Variants in ANAPC10 observed in about 807,000 individuals in gnomAD.
The protein encoded by ANAPC10 is anaphase-promoting complex subunit 10.
A neutral mutation model predicts 22.0 loss-of-function variants in ANAPC10; 12 were observed. That is an observed-to-expected ratio of 0.55 (90% CI 0.35 to 0.88). The LOEUF is 0.88. ANAPC10 is among the 40% of genes least tolerant of loss of function. The pLI is 0.01. For missense variants in ANAPC10, 188 were observed against 220.9 expected, an observed-to-expected ratio of 0.85 and a Z score of 0.94; for synonymous variants, 65 against 69.5, an observed-to-expected ratio of 0.94 and a Z score of 0.32.
intron 4 of ANAPC10, among the ~76,000 whole-genome samples, chr4:145,049,955 T>G (rs139805325): frequency 6.6e-6 from 1 of 152,174 alleles, no homozygotes; most frequent in Non-Finnish European, 1.5e-5. Context: ...AAGTTATTCA[T>G]GAGGCTTGGA....
intron 4 of ANAPC10, among the ~76,000 whole-genome samples, chr4:145,030,980 G>A (rs868326484): frequency 8.5e-5 from 13 of 152,188 alleles, no homozygotes; most frequent in African/African-American, 3.1e-4. Flanking sequence ...TGCAGCTGCT[G>A]TACCAGATGT....
At position 145,007,812 on chromosome 4, in the gene ANAPC10, G is replaced by C. The variant is rs189349999; in HGVS notation, c.328-12209C>G. ...AAATTCAGAAGCTAGCAGAAGGCAAGAAATAACTAAGATCAGAGCAGAATT... is the reference window on the plus strand; with the variant it reads ...AAATTCAGAAGCTAGCAGAAGGCAACAAATAACTAAGATCAGAGCAGAATT... On this transcript the variant is annotated intron_variant, in intron 4 of 4. Coordinates refer to ENST00000507656, the MANE Select transcript of ANAPC10 (RefSeq NM_001256706.2). Among the ~76,000 whole-genome samples, 38 of 148,080 alleles carry C rather than the reference G, an allele frequency of 2.6e-4. No individual in the cohort carries two copies. The East Asian group carries it at 6.3e-3, about 25-fold the overall frequency.
At chr4:145,037,559 T>C (rs1738781498) in intron 4 of ANAPC10, among the ~76,000 whole-genome samples, 1 of 151,480 alleles carries the variant, frequency 6.6e-6, no homozygotes, top group Admixed American at 6.6e-5. Context: ...GAGAAACAGG[T>C]GGGGGCATCA....
At chr4:145,097,421 C>T in intron 1 of ANAPC10, 1 of 1,177,218 alleles carries the variant, frequency 8.5e-7, no homozygotes, top group East Asian at 5.7e-5. Flanking sequence ...TGTAAAACTG[C>T]TTTGGTAGCG....
At chr4:145,021,063 G>A (rs942013787) in intron 4 of ANAPC10, among the ~76,000 whole-genome samples, 5 of 150,906 alleles carry the variant, frequency 3.3e-5, no homozygotes, top group African/African-American at 1.2e-4. Flanking sequence ...CATGTTCATG[G>A]AATGGTAGAA....
At chr4:145,057,739 A>G (rs1406433950) in intron 4 of ANAPC10, among the ~76,000 whole-genome samples, 1 of 152,150 alleles carries the variant, frequency 6.6e-6, no homozygotes, top group East Asian at 1.9e-4. Flanking sequence ...CCTCCCCCTC[A>G]GAATGTTCCT....
chr4:145,095,951 A>G (rs765581744), intron 2 of ANAPC10, 34 bp downstream of exon 2: 1 of 1,613,764 alleles, frequency 6.2e-7, no homozygotes, highest in South Asian at 1.1e-5. Flanking sequence ...GCAAGTGACT[A>G]TTTCCAACAG....
chr4:145,041,791 A>G (rs1432199811), intron 4 of ANAPC10, among the ~76,000 whole-genome samples: 6 of 152,216 alleles, frequency 3.9e-5, no homozygotes, highest in African/African-American at 7.2e-5. Flanking sequence ...AATAACCACA[A>G]GAAACAATAA....
intron 4 of ANAPC10, among the ~76,000 whole-genome samples, chr4:144,996,982 G>A (rs1731716545): frequency 1.3e-5 from 2 of 152,124 alleles, no homozygotes; most frequent in South Asian, 2.1e-4. Context: ...GGAAGAAAGG[G>A]TAACAGTGAT....
chr4:145,034,019 T>G (rs1213371209), intron 4 of ANAPC10, among the ~76,000 whole-genome samples: 2 of 152,222 alleles, frequency 1.3e-5, no homozygotes, highest in Non-Finnish European at 2.9e-5. Flanking sequence ...GATGCATTTC[T>G]GGTTGTACGA....
intron 4 of ANAPC10, among the ~76,000 whole-genome samples, chr4:145,037,437 A>G (rs944126934): frequency 7.9e-5 from 12 of 152,192 alleles, no homozygotes. Flanking sequence ...TTTTAACAGT[A>G]AATAAATATT....
At chr4:145,088,815 T>G (rs1249102247) in intron 2 of ANAPC10, among the ~76,000 whole-genome samples, 1 of 152,156 alleles carries the variant, frequency 6.6e-6, no homozygotes, top group Non-Finnish European at 1.5e-5. Flanking sequence ...ATCAATACTC[T>G]TTTTCAGGGC....
chr4:145,016,575 A>G (rs200201430), intron 4 of ANAPC10, among the ~76,000 whole-genome samples: 3 of 152,180 alleles, frequency 2.0e-5, no homozygotes, highest in African/African-American at 7.2e-5. Context: ...AATGCCATCC[A>G]CATCAAGCTA....
At chr4:145,061,502 C>A (rs977890130) in intron 4 of ANAPC10, among the ~76,000 whole-genome samples, 1 of 151,958 alleles carries the variant, frequency 6.6e-6, no homozygotes, top group East Asian at 1.9e-4. Flanking sequence ...AAATAGGCTA[C>A]GAAACTAGAA....
chr4:145,046,777 G>C (rs1460888902), intron 4 of ANAPC10, among the ~76,000 whole-genome samples: 1 of 151,916 alleles, frequency 6.6e-6, no homozygotes, highest in African/African-American at 2.4e-5. Context: ...ATATCGAAAT[G>C]CCAAATATCA....
intron 4 of ANAPC10, among the ~76,000 whole-genome samples, chr4:145,016,351 G>T (rs1735136435): frequency 6.6e-6 from 1 of 152,130 alleles, no homozygotes; most frequent in Admixed American, 6.6e-5. Flanking sequence ...GCCAAATCAT[G>T]AGTGAACTCC....
chr4:145,071,016 T>C (rs1462105358), intron 3 of ANAPC10, among the ~76,000 whole-genome samples: 1 of 152,178 alleles, frequency 6.6e-6, no homozygotes, highest in African/African-American at 2.4e-5. Flanking sequence ...GGTTATTATT[T>C]AATGGGTTCC....
intron 4 of ANAPC10, among the ~76,000 whole-genome samples, chr4:145,026,046 A>G (rs1736609048): frequency 6.6e-6 from 1 of 152,282 alleles, no homozygotes; most frequent in South Asian, 2.1e-4. Context: ...ATTTAACAGT[A>G]AAATCTCACC....
At chr4:144,997,858 C>A (rs894004437) in intron 4 of ANAPC10, among the ~76,000 whole-genome samples, 2 of 152,036 alleles carry the variant, frequency 1.3e-5, no homozygotes, top group South Asian at 2.1e-4. Flanking sequence ...GAGACACACA[C>A]AGCCTCAAAA....
Sources: gnomAD v4.1 joint callset for allele counts (sites outside exome capture counted in the v4.1 genomes callset) on GRCh38, gnomAD v4.1.1 for gene constraint, MANE v1.5 for transcripts, NCBI Gene and HGNC (gene_info 2026-07-23, HGNC 2026-07-21) for gene names.